The following ALK variants were observed in gnomAD, a reference collection of about 807,000 sequenced individuals.
ALK encodes the protein ALK receptor tyrosine kinase.
Under a neutral mutation model 163.1 loss-of-function variants are expected in ALK, and 74 were observed. That is an observed-to-expected ratio of 0.45 (90% CI 0.38 to 0.55). The LOEUF is 0.55. Among genes scored for constraint, ALK ranks in the 20% least tolerant of loss-of-function variants. ALK has a pLI of 0.00. For synonymous variants in ALK, 960 were observed against 843.2 expected (o/e 1.14, Z -2.40); for missense variants, 2,063 against 2,105.3 (o/e 0.98, Z 0.39).
At chr2:29,820,788 G>A (rs568691935) in intron 1 of ALK, among the ~76,000 whole-genome samples, 1 of 152,358 alleles carries the variant, frequency 6.6e-6, no homozygotes, top group South Asian at 2.1e-4. Flanking sequence ...AAGAACAGAA[G>A]TGATGTGATG....
At chr2:29,668,058 GC>G (rs1677571252) in intron 3 of ALK, among the ~76,000 whole-genome samples, 1 of 151,904 alleles carries the variant, frequency 6.6e-6, no homozygotes, top group Admixed American at 6.6e-5. Context: ...TTTCAGATTT[GC>G]CAATTTGCTG....
At chr2:29,665,554 A>G (rs1487420008) in intron 3 of ALK, among the ~76,000 whole-genome samples, 2 of 151,802 alleles carry the variant, frequency 1.3e-5, no homozygotes, top group Non-Finnish European at 2.9e-5. Flanking sequence ...TTATTATAGC[A>G]TTAAGTACCA....
Position 29,228,957 on chromosome 2 carries a change from C to T in ALK, c.2742G>A (p.Gly914=), listed in dbSNP as rs1664100791. The part of the protein sequence containing the change: ...HSCPQAMKKW[G]WETRGGFGGG... ...CTCCGAAACCCCCTCTTGTCTCCCA[C>T]CCCCACTTCTTCATGGCCTGGGGGC... is the stretch of plus-strand genomic sequence containing the variant. Residue 914 remains glycine (G), a synonymous_variant, in exon 16 of 29, where the codon GGG becomes GGA. Transcript: ENST00000389048. 2 of 1,587,098 alleles carry T rather than the reference C, an allele frequency of 1.3e-6. No individual in the cohort carries two copies. Among genetic ancestry groups the T allele is most frequent in the African/African-American group, 1.4e-5 (1 of 73,882 alleles).
chr2:29,755,116 A>G (rs532086843), intron 1 of ALK, among the ~76,000 whole-genome samples: 1 of 152,314 alleles, frequency 6.6e-6, no homozygotes, highest in African/African-American at 2.4e-5. Flanking sequence ...CTGAAGTGAC[A>G]GTAGGGGGTC....
chr2:29,436,128 G>A (rs918460991), intron 4 of ALK, among the ~76,000 whole-genome samples: 1 of 152,126 alleles, frequency 6.6e-6, no homozygotes, highest in African/African-American at 2.4e-5. Context: ...CCAAAACACA[G>A]TGGAAATGAG....
chr2:29,457,789 A>C (rs1670993714), intron 4 of ALK, among the ~76,000 whole-genome samples: 1 of 152,128 alleles, frequency 6.6e-6, no homozygotes, highest in Non-Finnish European at 1.5e-5. Flanking sequence ...TCCCACAATA[A>C]TCCTTTGATG....
intron 1 of ALK, among the ~76,000 whole-genome samples, chr2:29,880,033 C>T (rs913624093): frequency 6.6e-6 from 1 of 152,208 alleles, no homozygotes; most frequent in Non-Finnish European, 1.5e-5. Flanking sequence ...CCAAGAAGCT[C>T]CATACTACAG....
intron 1 of ALK, among the ~76,000 whole-genome samples, chr2:29,867,151 TA>T (rs1197147374): frequency 1.3e-5 from 2 of 152,132 alleles, no homozygotes; most frequent in Non-Finnish European, 2.9e-5. Context: ...ATGTTAGATT[TA>T]AAAGAAACCT....
At chr2:29,469,896 A>T (rs1289238036) in intron 4 of ALK, among the ~76,000 whole-genome samples, 1 of 152,192 alleles carries the variant, frequency 6.6e-6, no homozygotes, top group African/African-American at 2.4e-5. Flanking sequence ...GAGCCAAATG[A>T]CCCAAAGCCA....
At chr2:29,432,427 C>T (rs906197518) in intron 4 of ALK, among the ~76,000 whole-genome samples, 2 of 152,174 alleles carry the variant, frequency 1.3e-5, no homozygotes, top group Non-Finnish European at 2.9e-5. Context: ...TCATCAGAAG[C>T]CGAACAGATG....
At chr2:29,528,946 C>T (rs978253387) in intron 4 of ALK, among the ~76,000 whole-genome samples, 2 of 152,152 alleles carry the variant, frequency 1.3e-5, no homozygotes, top group African/African-American at 4.8e-5. Context: ...CTGTCTGTCC[C>T]CTGCGAGACT....
chr2:29,394,437 T>C (rs988616017), intron 4 of ALK, among the ~76,000 whole-genome samples: 3 of 152,148 alleles, frequency 2.0e-5, no homozygotes, highest in Non-Finnish European at 4.4e-5. Context: ...TTGGATTAGG[T>C]CCCATGCAAG....
chr2:29,802,369 GAGGGGAGGGGAGGGGAGGGGAGGGC>G (rs1664492448), intron 1 of ALK, among the ~76,000 whole-genome samples: 2 of 70 alleles, frequency 0.029, no homozygotes, highest in Non-Finnish European at 0.071. Context: ...CAGGGGAGGG[GAGGGGAGGGGAGGGGAGGGGAGGGC>G]AGGGGAGGGG....
chr2:29,838,363 A>T (rs1194818529), intron 1 of ALK, among the ~76,000 whole-genome samples: 2 of 152,186 alleles, frequency 1.3e-5, no homozygotes, highest in African/African-American at 2.4e-5. Flanking sequence ...CTACAGATCT[A>T]AGAAGCTCAA....
intron 23 of ALK, among the ~76,000 whole-genome samples, chr2:29,218,033 C>A (rs1327366548): frequency 6.6e-6 from 1 of 152,122 alleles, no homozygotes. Flanking sequence ...ATTTTGTGGC[C>A]CCGAGAATCC....
At chr2:29,453,685 A>G (rs1670879830) in intron 4 of ALK, among the ~76,000 whole-genome samples, 1 of 152,200 alleles carries the variant, frequency 6.6e-6, no homozygotes, top group African/African-American at 2.4e-5. Context: ...AGAAGGAAAG[A>G]TGGAATAGGA....
chr2:29,748,638 T>A (rs1680271641), intron 1 of ALK, among the ~76,000 whole-genome samples: 1 of 152,208 alleles, frequency 6.6e-6, no homozygotes, highest in Admixed American at 6.5e-5. Context: ...CTCAAAGGTT[T>A]TGATTCAGAA....
chr2:29,854,292 A>G (rs1294205735), intron 1 of ALK, among the ~76,000 whole-genome samples: 1 of 152,174 alleles, frequency 6.6e-6, no homozygotes, highest in Non-Finnish European at 1.5e-5. Context: ...TTGAAATGTG[A>G]TCCCCAATGC....
chr2:29,842,183 T>G (rs1231707004), intron 1 of ALK, among the ~76,000 whole-genome samples: 2 of 152,096 alleles, frequency 1.3e-5, no homozygotes, highest in Non-Finnish European at 2.9e-5. Flanking sequence ...AGGTTAAATA[T>G]GGCAGATACA....
Sources: gnomAD v4.1 joint callset for allele counts (sites outside exome capture counted in the v4.1 genomes callset) on GRCh38, gnomAD v4.1.1 for gene constraint, MANE v1.5 for transcripts, NCBI Gene and HGNC (gene_info 2026-07-23, HGNC 2026-07-21) for gene names.